The following GALNT13 variants were observed in gnomAD, a reference collection of about 807,000 sequenced individuals.
GALNT13 encodes polypeptide N-acetylgalactosaminyltransferase 13.
A neutral mutation model predicts 64.2 loss-of-function variants in GALNT13; 28 were observed. That is an observed-to-expected ratio of 0.44 (90% confidence interval 0.32 to 0.60). The LOEUF (loss-of-function observed/expected upper bound fraction) is 0.60, where lower values mean the gene tolerates loss of function less well. Among genes scored for constraint, GALNT13 ranks in the 20% least tolerant of loss-of-function variants. GALNT13 has a pLI of 0.05. For synonymous variants in GALNT13, 214 were observed against 224.6 expected (o/e 0.95, Z 0.42); for missense variants, 577 against 669.8 (o/e 0.86, Z 1.53).
chr2:153,849,250 A>C, the GALNT13 span, among the ~76,000 whole-genome samples: 1 of 152,312 alleles, frequency 6.6e-6, no homozygotes, highest in South Asian at 2.1e-4. Flanking sequence ...TGATAAAACT[A>C]GGAATAGAAG....
chr2:154,345,983 A>G (rs968905431), intron 9 of GALNT13, among the ~76,000 whole-genome samples: 30 of 152,206 alleles, frequency 2.0e-4, no homozygotes, highest in Admixed American at 3.3e-4. Context: ...AGCCTATAGT[A>G]ACATTCCATT....
the GALNT13 span, among the ~76,000 whole-genome samples, chr2:153,469,970 T>C: frequency 6.6e-6 from 1 of 152,066 alleles, no homozygotes; most frequent in Non-Finnish European, 1.5e-5. Context: ...CCAGGGCACT[T>C]GGAGCTACAT....
the GALNT13 span, among the ~76,000 whole-genome samples, chr2:153,248,462 C>A: frequency 6.6e-6 from 1 of 151,804 alleles, no homozygotes; most frequent in African/African-American, 2.4e-5. Context: ...GGGCAAAAAC[C>A]GCTTGATTAT....
chr2:153,731,189 A>G, the GALNT13 span, among the ~76,000 whole-genome samples: 10 of 146,338 alleles, frequency 6.8e-5, no homozygotes, highest in Middle Eastern at 6.9e-3. Flanking sequence ...ATTGTCATAT[A>G]TATGTTGCCT....
rs1037762054 is a variant in GALNT13 at position 154,452,723 on chromosome 2, C to T, written c.*2172C>T. 1.3e-5 allele frequency: 2 copies of T among 152,126 alleles called. No individual in the cohort carries two copies. Among genetic ancestry groups the T allele is most frequent in the South Asian group, 2.1e-4 (1 of 4,830 alleles). 9.4% of individuals were successfully genotyped at this position (152,126 alleles called of 1,614,324 possible). A position where few individuals can be genotyped will look rare whatever the true frequency, so the allele number is the denominator to read the frequency against. On this transcript the variant is annotated 3_prime_UTR_variant, in exon 13 of 13. Transcript: ENST00000392825. ...AAACAATCTTCAGATGGCTTGAACA[C>T]GTGCCATTATAGTATCTAACAAAAA...
chr2:154,103,827 A>C (rs1702470492), intron 3 of GALNT13, among the ~76,000 whole-genome samples: 1 of 151,988 alleles, frequency 6.6e-6, no homozygotes, highest in Non-Finnish European at 1.5e-5. Flanking sequence ...GTATGAACCC[A>C]CTCACCTGCT....
chr2:153,621,837 G>C, the GALNT13 span, among the ~76,000 whole-genome samples: 3 of 152,008 alleles, frequency 2.0e-5, no homozygotes, highest in East Asian at 5.8e-4. Flanking sequence ...CACCCTTTAG[G>C]TCAGTGGGCT....
intron 8 of GALNT13, among the ~76,000 whole-genome samples, chr2:154,283,490 A>G (rs1692076573): frequency 6.6e-6 from 1 of 151,836 alleles, no homozygotes; most frequent in African/African-American, 2.4e-5. Flanking sequence ...TGGTATCTTT[A>G]ATTTCTGATT....
chr2:153,138,322 C>T, the GALNT13 span, among the ~76,000 whole-genome samples: 1 of 152,062 alleles, frequency 6.6e-6, no homozygotes, highest in South Asian at 2.1e-4. Context: ...TGATTTAAAA[C>T]TTCACTTTAT....
At chr2:154,213,801 A>C (rs756086172) in intron 4 of GALNT13, among the ~76,000 whole-genome samples, 2 of 152,162 alleles carry the variant, frequency 1.3e-5, no homozygotes, top group Non-Finnish European at 2.9e-5. Context: ...ATAAATATTT[A>C]TTCATTATTG....
At chr2:153,221,785 G>A in the GALNT13 span, among the ~76,000 whole-genome samples, 1 of 151,724 alleles carries the variant, frequency 6.6e-6, no homozygotes, top group Non-Finnish European at 1.5e-5. Flanking sequence ...TCCAGGCACT[G>A]GCTCCGTGCA....
chr2:153,834,611 A>AT, the GALNT13 span, among the ~76,000 whole-genome samples: 1 of 152,254 alleles, frequency 6.6e-6, no homozygotes, highest in Middle Eastern at 3.4e-3. Flanking sequence ...AGTTAATACA[A>AT]TTTTTTAATA....
the GALNT13 span, among the ~76,000 whole-genome samples, chr2:153,277,564 T>C: frequency 6.6e-6 from 1 of 152,186 alleles, no homozygotes; most frequent in African/African-American, 2.4e-5. Context: ...TGTAATTCCA[T>C]ACCCAGTAAT....
the GALNT13 span, among the ~76,000 whole-genome samples, chr2:153,301,625 A>G: frequency 2.0e-5 from 3 of 152,150 alleles, no homozygotes; most frequent in Non-Finnish European, 4.4e-5. Context: ...GGTGTTGAAC[A>G]GTAGATCTCT....
chr2:153,341,409 TAATTTGGAAATGGTGTCCCTGATAC>T, the GALNT13 span, among the ~76,000 whole-genome samples: 2 of 152,234 alleles, frequency 1.3e-5, no homozygotes, highest in African/African-American at 4.8e-5. Context: ...AATGGCTTTC[TAATTTGGAAATGGTGTCCCTGATAC>T]AATTAGCTCT....
At chr2:154,054,996 T>C (rs915757280) in intron 3 of GALNT13, among the ~76,000 whole-genome samples, 1 of 152,050 alleles carries the variant, frequency 6.6e-6, no homozygotes, top group African/African-American at 2.4e-5. Context: ...ATAATTTCCA[T>C]TGTAACTTTT....
chr2:154,394,077 CAAAA>C (rs369267777), intron 9 of GALNT13, among the ~76,000 whole-genome samples: 416 of 31,968 alleles, frequency 0.013, 4 homozygotes, highest in South Asian at 0.12. Flanking sequence ...GACTCCGTCT[CAAAA>C]AAAAAAAAAA....
chr2:153,865,924 A>G, the GALNT13 span, among the ~76,000 whole-genome samples: 1 of 9,210 alleles, frequency 1.1e-4, no homozygotes, highest in African/African-American at 4.1e-4. Context: ...ATGTCCAACA[A>G]TGATAGACTG....
the GALNT13 span, among the ~76,000 whole-genome samples, chr2:153,117,142 T>A: frequency 6.6e-6 from 1 of 152,098 alleles, no homozygotes; most frequent in Non-Finnish European, 1.5e-5. Context: ...CTCATTATTT[T>A]AAAGTTCTAG....
Sources: gnomAD v4.1 joint callset for allele counts (sites outside exome capture counted in the v4.1 genomes callset) on GRCh38, gnomAD v4.1.1 for gene constraint, MANE v1.5 for transcripts, NCBI Gene and HGNC (gene_info 2026-07-23, HGNC 2026-07-21) for gene names.